GPM6A: variants seen among roughly 807,000 people sequenced by gnomAD.
GPM6A encodes glycoprotein M6A, also known as neuronal membrane glycoprotein M6-a.
GPM6A carries 7 observed loss-of-function variants against 32.1 expected under a neutral mutation model. The ratio of observed to expected loss-of-function variants is 0.22; its 90% CI spans 0.12 to 0.41. The LOEUF (loss-of-function observed/expected upper bound fraction) is 0.41, where lower values mean the gene tolerates loss of function less well. GPM6A is among the 10% of genes least tolerant of loss of function. The pLI is 1.00. For synonymous variants in GPM6A, 130 were observed against 123.4 expected (o/e 1.05, Z -0.35); for missense variants, 235 against 347.2 (o/e 0.68, Z 2.57).
At chr4:175,743,780 AAAG>A (rs1731983566) in intron 1 of GPM6A, among the ~76,000 whole-genome samples, 1 of 152,090 alleles carries the variant, frequency 6.6e-6, no homozygotes, top group Admixed American at 6.6e-5. Context: ...TGCTAAAAAT[AAAG>A]AAGGACATTT....
At chr4:175,975,748 A>G (rs1330835690) in intron 1 of GPM6A, among the ~76,000 whole-genome samples, 1 of 152,240 alleles carries the variant, frequency 6.6e-6, no homozygotes, top group Non-Finnish European at 1.5e-5. Context: ...AACAGAAAAG[A>G]TTTATTAATC....
intron 3 of GPM6A, among the ~76,000 whole-genome samples, chr4:175,663,585 C>G (rs1484236321): frequency 6.6e-6 from 1 of 152,044 alleles, no homozygotes; most frequent in Non-Finnish European, 1.5e-5. Flanking sequence ...CTTGATTTAG[C>G]CTTTCCACAA....
intron 1 of GPM6A, among the ~76,000 whole-genome samples, chr4:175,744,523 A>C (rs936544892): frequency 2.6e-5 from 4 of 152,120 alleles, no homozygotes; most frequent in African/African-American, 9.6e-5. Flanking sequence ...AAATTTAAAA[A>C]TATCTAATGC....
chr4:175,892,119 C>A (rs1285497941), intron 1 of GPM6A, among the ~76,000 whole-genome samples: 3 of 152,156 alleles, frequency 2.0e-5, no homozygotes. Context: ...CTAAAGCGAA[C>A]TACAATTTAC....
chr4:175,876,461 A>C (rs1035654936), intron 1 of GPM6A, among the ~76,000 whole-genome samples: 1 of 152,234 alleles, frequency 6.6e-6, no homozygotes, highest in Admixed American at 6.5e-5. Flanking sequence ...CAATTTCTGG[A>C]GAGAAAATAT....
chr4:175,670,861 ATTTT>A (rs33998725), intron 3 of GPM6A, among the ~76,000 whole-genome samples: 2 of 124,166 alleles, frequency 1.6e-5, no homozygotes, highest in Admixed American at 8.5e-5. Context: ...ATGTTGCTTC[ATTTT>A]TTTTTTTTTT....
chr4:175,928,467 A>G (rs532074212), intron 1 of GPM6A, among the ~76,000 whole-genome samples: 3 of 152,334 alleles, frequency 2.0e-5, no homozygotes, highest in African/African-American at 7.2e-5. Context: ...TTACAAGCTT[A>G]TAAGACTGCA....
intron 1 of GPM6A, among the ~76,000 whole-genome samples, chr4:175,793,411 C>G (rs1443153483): frequency 6.6e-6 from 1 of 152,234 alleles, no homozygotes; most frequent in East Asian, 1.9e-4. Flanking sequence ...GTGTTTCGCT[C>G]TGTCCCTCAG....
intron 1 of GPM6A, chr4:175,787,770 C>CAGCT (rs1733857853): frequency 8.3e-6 from 2 of 241,316 alleles, no homozygotes; most frequent in Admixed American, 1.2e-4. Context: ...TTTAAAATGA[C>CAGCT]AGCTTTACCT....
At chr4:175,938,147 T>A (rs570593426) in intron 1 of GPM6A, among the ~76,000 whole-genome samples, 1 of 152,124 alleles carries the variant, frequency 6.6e-6, no homozygotes, top group South Asian at 2.1e-4. Context: ...AGAAAAGAAA[T>A]AAGTTCTAAT....
intron 1 of GPM6A, among the ~76,000 whole-genome samples, chr4:175,706,860 A>C (rs563713972): frequency 1.6e-4 from 25 of 152,188 alleles, no homozygotes; most frequent in South Asian, 8.3e-4. Context: ...AGCCAGCTAA[A>C]ACCCAAAAAC....
At chr4:175,884,510 A>G (rs1737387163) in intron 1 of GPM6A, among the ~76,000 whole-genome samples, 1 of 152,182 alleles carries the variant, frequency 6.6e-6, no homozygotes, top group East Asian at 1.9e-4. Flanking sequence ...TTTGTAAAGC[A>G]TCATTTATTG....
At chr4:175,681,203 G>A (rs1229936998) in intron 2 of GPM6A, among the ~76,000 whole-genome samples, 2 of 152,136 alleles carry the variant, frequency 1.3e-5, no homozygotes, top group African/African-American at 4.8e-5. Context: ...GTACCATTTT[G>A]TATTCCAACC....
At chr4:175,671,982 T>C (rs1288823691) in intron 3 of GPM6A, among the ~76,000 whole-genome samples, 1 of 73,102 alleles carries the variant, frequency 1.4e-5, no homozygotes, top group Non-Finnish European at 4.1e-5. Context: ...GTTACCATTA[T>C]AGAAAAAAAA....
chr4:175,875,127 T>C (rs1737041376), intron 1 of GPM6A, among the ~76,000 whole-genome samples: 1 of 152,176 alleles, frequency 6.6e-6, no homozygotes, highest in African/African-American at 2.4e-5. Flanking sequence ...CTTTGAACCT[T>C]GATGCAAGAA....
chr4:175,997,901 A>C (rs538796657), intron 1 of GPM6A, among the ~76,000 whole-genome samples: 10 of 152,134 alleles, frequency 6.6e-5, no homozygotes, highest in African/African-American at 2.4e-4. Context: ...TGGGGCATTT[A>C]GTACGTATCA....
intron 2 of GPM6A, among the ~76,000 whole-genome samples, chr4:175,697,118 T>C (rs561535422): frequency 1.3e-5 from 2 of 152,196 alleles, no homozygotes; most frequent in Non-Finnish European, 2.9e-5. Context: ...ATACAGTCTT[T>C]ATCTTATAAG....
chr4:175,809,158 T>G (rs943252285), intron 1 of GPM6A, among the ~76,000 whole-genome samples: 5 of 152,186 alleles, frequency 3.3e-5, no homozygotes, highest in African/African-American at 1.2e-4. Context: ...TCTCGTAAGA[T>G]TTGGCAAAAT....
chr4:175,983,986 C>G (rs972181902), intron 1 of GPM6A, among the ~76,000 whole-genome samples: 7 of 143,634 alleles, frequency 4.9e-5, no homozygotes, highest in Non-Finnish European at 1.1e-4. Flanking sequence ...ATTGTGCTCT[C>G]TCTGTCTCTC....
Sources: gnomAD v4.1 joint callset for allele counts (sites outside exome capture counted in the v4.1 genomes callset) on GRCh38, gnomAD v4.1.1 for gene constraint, MANE v1.5 for transcripts, NCBI Gene and HGNC (gene_info 2026-07-23, HGNC 2026-07-21) for gene names.